Variants in FYB1 observed in about 807,000 individuals in gnomAD.
FYB1 encodes FYN-binding protein 1.
A neutral mutation model predicts 94.1 loss-of-function variants in FYB1; 41 were observed. The ratio of observed to expected loss-of-function variants is 0.44; its 90% CI spans 0.34 to 0.57. The LOEUF (loss-of-function observed/expected upper bound fraction) is 0.57, where lower values mean the gene tolerates loss of function less well. Among genes scored for constraint, FYB1 ranks in the 20% least tolerant of loss-of-function variants. The probability of loss-of-function intolerance (pLI) is 0.02; values close to 1 mark genes in which losing one functional copy is unlikely to be tolerated. For missense variants in FYB1, 1,050 were observed against 976.8 expected (o/e 1.07, Z -1.00); for synonymous variants, 367 against 353.2 (o/e 1.04, Z -0.44).
chr5:39,202,149 C>T lies in FYB1; in HGVS notation c.812G>A (p.Gly271Glu), dbSNP rs1043039833. ...GVVLKPAASRGGPGLSKNGEE... is the reference protein window; with the variant it reads ...GVVLKPAASREGPGLSKNGEE... ...ACCATTTTTGGAGAGACCTGGGCCT[C>T]CCCTGCTCGCAGCAGGTTTCAAAAC... is the stretch of plus-strand genomic sequence containing the variant. The change falls in exon 2 of 19, where the codon GGA (glycine) becomes GAA (glutamate). Residue 271 changes from glycine (G) to glutamate (E), a missense_variant. Transcript: ENST00000512982. 26 of 1,613,884 alleles carry T rather than the reference C, an allele frequency of 1.6e-5. No homozygotes were observed. Among genetic ancestry groups the T allele is most frequent in the Non-Finnish European group, 2.1e-5 (25 of 1,179,898 alleles).
intron 16 of FYB1, among the ~76,000 whole-genome samples, chr5:39,118,467 A>G (rs560263680): frequency 6.6e-6 from 1 of 152,318 alleles, no homozygotes; most frequent in Non-Finnish European, 1.5e-5. Flanking sequence ...ACTTTAGTGT[A>G]TACATGAACA....
intron 1 of FYB1, among the ~76,000 whole-genome samples, chr5:39,219,125 C>G (rs1750099896): frequency 1.3e-5 from 2 of 152,322 alleles, no homozygotes; most frequent in East Asian, 1.9e-4. Context: ...TCTGGTTTCA[C>G]TGCAAGACGT....
chr5:39,233,524 A>G (rs1750836412), intron 1 of FYB1, among the ~76,000 whole-genome samples: 1 of 152,204 alleles, frequency 6.6e-6, no homozygotes, highest in Admixed American at 6.5e-5. Flanking sequence ...GTTGGTAATA[A>G]GTGAGAAAAC....
At chr5:39,168,705 T>C (rs1744967523) in intron 2 of FYB1, among the ~76,000 whole-genome samples, 1 of 152,230 alleles carries the variant, frequency 6.6e-6, no homozygotes. Context: ...GTAGTCACAT[T>C]TACTGTTGTG....
At chr5:39,244,294 G>A (rs563260719) in intron 1 of FYB1, among the ~76,000 whole-genome samples, 221 of 152,152 alleles carry the variant, frequency 1.5e-3, no homozygotes, top group Non-Finnish European at 2.6e-3. Flanking sequence ...TAAATAGCCC[G>A]TATTGTTTTG....
chr5:39,134,779 G>C (rs1232873486), intron 8 of FYB1, 76 bp downstream of exon 8: 2 of 1,506,178 alleles, frequency 1.3e-6, no homozygotes, highest in African/African-American at 2.7e-5. Flanking sequence ...CCTATGACGA[G>C]TTCTGGAGGA....
chr5:39,214,715 G>C (rs1390609549), intron 1 of FYB1, among the ~76,000 whole-genome samples: 2 of 152,178 alleles, frequency 1.3e-5, no homozygotes, highest in African/African-American at 4.8e-5. Flanking sequence ...ATCACTTGAG[G>C]TCAGGAGTTT....
intron 2 of FYB1, among the ~76,000 whole-genome samples, chr5:39,191,053 A>C (rs1262814575): frequency 6.6e-6 from 1 of 152,226 alleles, no homozygotes; most frequent in African/African-American, 2.4e-5. Flanking sequence ...TTCTCCTCCC[A>C]ATAATTGTCG....
intron 1 of FYB1, among the ~76,000 whole-genome samples, chr5:39,247,072 A>ATATATATG (rs1491424271): frequency 7.0e-3 from 47 of 6,712 alleles, no homozygotes; most frequent in Non-Finnish European, 0.013. Flanking sequence ...ATGCGTGTTC[A>ATATATATG]TATATATATA....
intron 16 of FYB1, among the ~76,000 whole-genome samples, chr5:39,115,783 A>C (rs1171702543): frequency 6.6e-6 from 1 of 152,178 alleles, no homozygotes; most frequent in East Asian, 1.9e-4. Flanking sequence ...AAATGAAAGT[A>C]AGCAGATAAG....
intron 1 of FYB1, among the ~76,000 whole-genome samples, chr5:39,271,061 A>C (rs1752650139): frequency 6.6e-6 from 1 of 151,828 alleles, no homozygotes; most frequent in Non-Finnish European, 1.5e-5. Context: ...GGAGTTTTTC[A>C]AGTTTTCTAT....
chr5:39,188,683 C>T (rs1034013193), intron 2 of FYB1, among the ~76,000 whole-genome samples: 1 of 151,976 alleles, frequency 6.6e-6, no homozygotes, highest in African/African-American at 2.4e-5. Context: ...AGGCGCCTGC[C>T]ACCACGCCCG....
At chr5:39,261,865 T>C (rs155450) in intron 1 of FYB1, among the ~76,000 whole-genome samples, 91,335 of 152,134 alleles carry the variant, frequency 0.6, 27,924 homozygotes, top group African/African-American at 0.73. Context: ...GGGAAATGAA[T>C]ATGTGGCAGA....
rs1014908007 is a variant in FYB1 at position 39,111,554 on chromosome 5, C to T, written c.2402-1165G>A. ...TAAAATTTAAGAAAATGAACTTTCCCTTGAAGTGTTATAGGGTTAAAAAAA... is the reference window on the plus strand; with the variant it reads ...TAAAATTTAAGAAAATGAACTTTCCTTTGAAGTGTTATAGGGTTAAAAAAA... On this transcript the variant is annotated intron_variant, in intron 16 of 18. Coordinates refer to ENST00000512982, the MANE Select transcript of FYB1 (RefSeq NM_001465.6). Among the ~76,000 whole-genome samples the T allele has an allele frequency of 4.0e-5, 6 of 151,568 alleles. No individual in the cohort carries two copies. The East Asian group carries it at 9.7e-4, about 25-fold the overall frequency.
chr5:39,160,568 G>C (rs1744153212), intron 2 of FYB1, among the ~76,000 whole-genome samples: 1 of 152,210 alleles, frequency 6.6e-6, no homozygotes, highest in African/African-American at 2.4e-5. Context: ...CAGAAAGAAT[G>C]TTTGTGCTGA....
chr5:39,160,023 C>G (rs1744106926), intron 2 of FYB1, among the ~76,000 whole-genome samples: 1 of 152,152 alleles, frequency 6.6e-6, no homozygotes, highest in Non-Finnish European at 1.5e-5. Context: ...GAAAAAACCC[C>G]TACATTTGCT....
At chr5:39,266,815 C>T (rs991350908) in intron 1 of FYB1, among the ~76,000 whole-genome samples, 14 of 152,238 alleles carry the variant, frequency 9.2e-5, no homozygotes, top group Admixed American at 2.6e-4. Context: ...CTCATAGTGA[C>T]CATAGCAGAA....
At chr5:39,218,000 T>G (rs978114455) in intron 1 of FYB1, among the ~76,000 whole-genome samples, 2 of 152,212 alleles carry the variant, frequency 1.3e-5, no homozygotes, top group Non-Finnish European at 2.9e-5. Flanking sequence ...CAGCCGTAAC[T>G]TGGCAAGGTG....
At chr5:39,181,615 C>T (rs774277630) in intron 2 of FYB1, among the ~76,000 whole-genome samples, 3 of 152,134 alleles carry the variant, frequency 2.0e-5, no homozygotes, top group East Asian at 3.9e-4. Flanking sequence ...AAAGATTCCT[C>T]AAATTGAACA....
Sources: gnomAD v4.1 joint callset for allele counts (sites outside exome capture counted in the v4.1 genomes callset) on GRCh38, gnomAD v4.1.1 for gene constraint, MANE v1.5 for transcripts, NCBI Gene and HGNC (gene_info 2026-07-23, HGNC 2026-07-21) for gene names.